FBXW11: variants seen among roughly 807,000 people sequenced by gnomAD.
FBXW11 encodes the protein F-box and WD repeat domain containing 11.
FBXW11 carries 19 observed loss-of-function variants against 77.6 expected under a neutral mutation model. The ratio of observed to expected loss-of-function variants is 0.24; its 90% CI spans 0.17 to 0.36. The LOEUF (loss-of-function observed/expected upper bound fraction) is 0.36, where lower values mean the gene tolerates loss of function less well. Among genes scored for constraint, FBXW11 ranks in the 10% least tolerant of loss-of-function variants. FBXW11 has a pLI of 1.00. For missense variants in FBXW11, 334 were observed against 704.2 expected (o/e 0.47, Z 5.95); for synonymous variants, 235 against 249.4 (o/e 0.94, Z 0.54).
rs559857006 is a variant in FBXW11 at position 171,892,535 on chromosome 5, TAAG to T, written c.715-934_715-932del. On this transcript the variant is annotated intron_variant, in intron 6 of 13. Transcript: ENST00000517395. ...CTCTTGCGGCAGTGCACACAGAACGTAAGAAGATCAGTAACAATTCCAAAAGTG... is the reference window on the plus strand; with the variant it reads ...CTCTTGCGGCAGTGCACACAGAACGTAAGATCAGTAACAATTCCAAAAGTG... 4.0e-3 allele frequency among the ~76,000 whole-genome samples: 607 copies of T among 152,184 alleles called. 5 individuals carry two copies. The highest frequency in any genetic ancestry group is 0.014 in the African/African-American group (585 of 41,458).
chr5:172,000,074 C>T (rs917713513), intron 1 of FBXW11, among the ~76,000 whole-genome samples: 1 of 152,182 alleles, frequency 6.6e-6, no homozygotes, highest in African/African-American at 2.4e-5. Flanking sequence ...TCCTCTTAAG[C>T]AATTGCGATC....
intron 2 of FBXW11, among the ~76,000 whole-genome samples, chr5:171,927,612 T>C (rs548162991): frequency 1.1e-4 from 16 of 152,338 alleles, no homozygotes; most frequent in South Asian, 4.1e-4. Context: ...TAAGTGAAAA[T>C]TGTTTAAAAC....
At chr5:171,867,033 C>G (rs839308) in intron 13 of FBXW11, among the ~76,000 whole-genome samples, 3,791 of 152,262 alleles carry the variant, frequency 0.025, 85 homozygotes, top group African/African-American at 0.058. Context: ...CCTTTGGGGT[C>G]CACGTGGGGT....
At chr5:171,933,123 C>A (rs1464707245) in intron 2 of FBXW11, among the ~76,000 whole-genome samples, 1 of 134,288 alleles carries the variant, frequency 7.4e-6, no homozygotes. Context: ...AAAGCAAGAC[C>A]TTCTCTCAAA....
chr5:171,993,765 C>T (rs897503898), intron 1 of FBXW11, among the ~76,000 whole-genome samples: 3 of 152,042 alleles, frequency 2.0e-5, no homozygotes, highest in African/African-American at 7.2e-5. Flanking sequence ...GCATGCTGAG[C>T]AGATCAAATT....
chr5:171,976,779 G>C (rs779318983), intron 1 of FBXW11, among the ~76,000 whole-genome samples: 1 of 151,888 alleles, frequency 6.6e-6, no homozygotes. Context: ...GGGTGTGGTC[G>C]TTCACGCCTG....
rs1760368498 is a variant in FBXW11 at position 171,904,815 on chromosome 5, C to A, written c.437-4715G>T. Reference sequence around the variant, plus strand: ...TTGATCTCTTGACCTCATGATCCACCCAACTCGGCCTCCCAAAGTGCTGGG... The same window carrying A: ...TTGATCTCTTGACCTCATGATCCACACAACTCGGCCTCCCAAAGTGCTGGG... On this transcript the variant is annotated intron_variant, in intron 4 of 13. Transcript: ENST00000517395. This position sits in a 1 kb window ranked among gnomAD's most constrained non-coding sequence, Gnocchi z 4.0. Among the ~76,000 whole-genome samples, 1 of 152,024 alleles carries A rather than the reference C, an allele frequency of 6.6e-6. No homozygotes were observed. The highest frequency in any genetic ancestry group is 2.4e-5 in the African/African-American group (1 of 41,398).
chr5:171,967,533 A>G (rs1167913277), intron 1 of FBXW11, among the ~76,000 whole-genome samples: 1 of 152,206 alleles, frequency 6.6e-6, no homozygotes, highest in Non-Finnish European at 1.5e-5. Flanking sequence ...TCCCATGTTC[A>G]TTTAATAAAT....
At chr5:171,936,109 TAAAAAAAAAAAAA>T (rs61349170) in intron 2 of FBXW11, among the ~76,000 whole-genome samples, 2 of 59,356 alleles carry the variant, frequency 3.4e-5, no homozygotes, top group Admixed American at 2.1e-4. Context: ...AGACTCCATC[TAAAAAAAAAAAAA>T]AAAAAAAAAA....
At chr5:171,918,993 C>G (rs558806914) in intron 2 of FBXW11, among the ~76,000 whole-genome samples, 1 of 152,290 alleles carries the variant, frequency 6.6e-6, no homozygotes, top group African/African-American at 2.4e-5. Context: ...CCTGGCCCTT[C>G]TTTCTCCTTA....
intron 2 of FBXW11, among the ~76,000 whole-genome samples, chr5:171,944,167 C>A (rs1019725766): frequency 3.3e-5 from 5 of 152,050 alleles, no homozygotes; most frequent in African/African-American, 7.2e-5. Flanking sequence ...TACATTAATA[C>A]ACTCATTCTA....
intron 1 of FBXW11, among the ~76,000 whole-genome samples, chr5:171,999,400 A>AATAT (rs982270902): frequency 7.1e-6 from 1 of 141,484 alleles, no homozygotes; most frequent in African/African-American, 3.0e-5. Context: ...AAAAAAAAAA[A>AATAT]ATATATATAT....
chr5:171,874,608 A>G (rs1486168403), intron 9 of FBXW11, among the ~76,000 whole-genome samples: 4 of 152,142 alleles, frequency 2.6e-5, no homozygotes, highest in Non-Finnish European at 1.5e-5. Context: ...GCTGGTTATG[A>G]AAAGGAGGTT....
chr5:172,005,959 C>T (rs1766731484), intron 1 of FBXW11, among the ~76,000 whole-genome samples: 1 of 152,208 alleles, frequency 6.6e-6, no homozygotes, highest in Non-Finnish European at 1.5e-5. Context: ...GGCATCCACA[C>T]AGACCTAGGC....
intron 4 of FBXW11, 118 bp downstream of exon 4, chr5:171,910,454 G>T: frequency 3.3e-6 from 2 of 598,190 alleles, no homozygotes; most frequent in Non-Finnish European, 5.8e-6. Context: ...TAAAGTATGC[G>T]TCCCAAAGAA....
intron 2 of FBXW11, among the ~76,000 whole-genome samples, chr5:171,925,196 C>T (rs1561689378): frequency 1.3e-5 from 2 of 152,192 alleles, no homozygotes; most frequent in Non-Finnish European, 2.9e-5. Flanking sequence ...CACACACACA[C>T]TAGGTATAAA....
At chr5:171,984,907 A>G (rs1765354280) in intron 1 of FBXW11, among the ~76,000 whole-genome samples, 1 of 152,204 alleles carries the variant, frequency 6.6e-6, no homozygotes, top group Admixed American at 6.5e-5. Context: ...GACATGCCTA[A>G]AACTATTACT....
chr5:171,997,000 G>A lies in FBXW11; in HGVS notation c.45+9458C>T, dbSNP rs777355669. The A allele has an allele frequency of 8.5e-6, 11 of 1,289,642 alleles. No individual in the cohort carries two copies. In the East Asian group the frequency reaches 3.3e-4, roughly 39 times the overall value. 79.9% of individuals were successfully genotyped at this position (1,289,642 alleles called of 1,614,324 possible). On this transcript the variant is annotated intron_variant, in intron 1 of 13. Transcript: ENST00000517395. ...TCAAGCATCTTCCAAGATTCTTTCCGTTTACTGTATCCAGCTTTCTTCAAC... is the reference window on the plus strand; with the variant it reads ...TCAAGCATCTTCCAAGATTCTTTCCATTTACTGTATCCAGCTTTCTTCAAC...
chr5:171,879,436 G>A (rs1758355013), intron 7 of FBXW11, among the ~76,000 whole-genome samples: 1 of 152,212 alleles, frequency 6.6e-6, no homozygotes, highest in South Asian at 2.1e-4. Context: ...AGGTTTTTGT[G>A]TAGACCTAAG....
Sources: gnomAD v4.1 joint callset for allele counts (sites outside exome capture counted in the v4.1 genomes callset) on GRCh38, gnomAD v4.1.1 for gene constraint, Gnocchi (gnomAD v3.1) non-coding constraint, MANE v1.5 for transcripts, NCBI Gene and HGNC (gene_info 2026-07-23, HGNC 2026-07-21) for gene names.